TOX2: variants seen among roughly 807,000 people sequenced by gnomAD.
TOX2 encodes granulosa cell HMG box 1.
A neutral mutation model predicts 47.4 loss-of-function variants in TOX2; 15 were observed. The ratio of observed to expected loss-of-function variants is 0.32; its 90% CI spans 0.21 to 0.49. The LOEUF is 0.49. Ranked by LOEUF, TOX2 falls within the 20% of genes least tolerant of loss-of-function variation. The probability of loss-of-function intolerance (pLI) is 0.99; values close to 1 mark genes in which losing one functional copy is unlikely to be tolerated. For synonymous variants in TOX2, 290 were observed against 296.6 expected (o/e 0.98, Z 0.23); for missense variants, 622 against 673.1 (o/e 0.92, Z 0.84).
At position 44,055,162 on chromosome 20, in the gene TOX2, G is replaced by C. The variant is rs570467525; in HGVS notation, c.879+636G>C. Among the ~76,000 whole-genome samples, 6 of 152,262 alleles carry C rather than the reference G, an allele frequency of 3.9e-5. No individual in the cohort carries two copies. The East Asian group carries it at 7.7e-4, about 20-fold the overall frequency. ...CCAAGAGGTAAAGTGACTCACCCAG[G>C]GTCACCAGCGTGAATCAAGGTAGAG... On this transcript the variant is annotated intron_variant, in intron 5 of 8. Transcript: ENST00000341197.
intron 1 of TOX2, among the ~76,000 whole-genome samples, chr20:43,972,473 C>G (rs1055571414): frequency 6.6e-6 from 1 of 152,188 alleles, no homozygotes; most frequent in Admixed American, 6.5e-5. Context: ...GCCTCAGGCT[C>G]TCCTTCTAGG....
intron 1 of TOX2, among the ~76,000 whole-genome samples, chr20:43,938,299 G>T (rs142063299): frequency 6.6e-6 from 1 of 152,144 alleles, no homozygotes; most frequent in Non-Finnish European, 1.5e-5. Flanking sequence ...AACTCCACCC[G>T]CTGTGGGATG....
chr20:43,985,991 T>A (rs2070257092), intron 2 of TOX2, among the ~76,000 whole-genome samples: 1 of 152,166 alleles, frequency 6.6e-6, no homozygotes, highest in South Asian at 2.1e-4. Context: ...GGAGGTGGGA[T>A]CTTCCTCTTA....
At chr20:43,996,644 T>C (rs1224427982) in intron 2 of TOX2, among the ~76,000 whole-genome samples, 1 of 152,154 alleles carries the variant, frequency 6.6e-6, no homozygotes. Context: ...AGGGCTTTTT[T>C]TTTCTTGCTT....
intron 1 of TOX2, chr20:43,955,362 C>G (rs1472928647): frequency 1.1e-6 from 1 of 949,956 alleles, no homozygotes; most frequent in East Asian, 1.2e-4. Context: ...CGTTGTTTCC[C>G]CTTGGCTGGC....
chr20:43,983,990 CTG>C (rs1453082082), intron 2 of TOX2, among the ~76,000 whole-genome samples: 1 of 152,172 alleles, frequency 6.6e-6, no homozygotes, highest in Non-Finnish European at 1.5e-5. Context: ...GCCTCTGAGT[CTG>C]TGTACACTGT....
At chr20:44,051,226 C>T in intron 3 of TOX2, 80 bp from the exon 4 acceptor site, 1 of 1,516,860 alleles carries the variant, frequency 6.6e-7, no homozygotes, top group South Asian at 1.3e-5. Context: ...GCATTCCCTC[C>T]TCTAAGTCCG....
intron 1 of TOX2, among the ~76,000 whole-genome samples, chr20:43,946,647 A>G (rs542155617): frequency 2.6e-5 from 4 of 152,358 alleles, no homozygotes; most frequent in African/African-American, 9.6e-5. Context: ...ATCTCTACGC[A>G]GCATACTTTC....
chr20:44,020,443 A>G (rs1171171863), intron 3 of TOX2, among the ~76,000 whole-genome samples: 2 of 152,252 alleles, frequency 1.3e-5, no homozygotes, highest in Admixed American at 6.5e-5. Context: ...TTCTGCACAT[A>G]TAACCCGGAA....
chr20:44,057,725 T>C (rs758676538), intron 5 of TOX2, among the ~76,000 whole-genome samples: 3 of 152,024 alleles, frequency 2.0e-5, no homozygotes, highest in Non-Finnish European at 4.4e-5. Context: ...AAAACAATAA[T>C]CATTTATTCA....
chr20:44,065,693 G>C lies in TOX2; in HGVS notation c.961-19G>C, dbSNP rs2071801196. On this transcript the variant is annotated intron_variant, in intron 6 of 8. Transcript: ENST00000341197. ...ATCCCTCTTCTGTTCTCCAGTGACT[G>C]ATATCTGTCTCCTTCCAGAGCTCCC... 6.4e-7 allele frequency: 1 copy of C among 1,558,512 alleles called. No individual in the cohort carries two copies. Among genetic ancestry groups the C allele is most frequent in the Admixed American group, 1.8e-5 (1 of 56,650 alleles).
At chr20:43,970,389 C>T (rs529373080) in intron 1 of TOX2, among the ~76,000 whole-genome samples, 159 of 152,324 alleles carry the variant, frequency 1.0e-3, no homozygotes, top group Non-Finnish European at 1.8e-3. Context: ...CTGTGCTTAT[C>T]GGGGAATGAA....
intron 2 of TOX2, among the ~76,000 whole-genome samples, chr20:43,980,393 G>T (rs1440358942): frequency 1.3e-5 from 2 of 152,170 alleles, no homozygotes; most frequent in Non-Finnish European, 2.9e-5. Context: ...TGGGGCAGAG[G>T]GGGGACATGG....
intron 3 of TOX2, among the ~76,000 whole-genome samples, chr20:44,010,774 A>T (rs1182914061): frequency 6.6e-6 from 1 of 152,152 alleles, no homozygotes; most frequent in African/African-American, 2.4e-5. Flanking sequence ...TCATGAAGGG[A>T]TGGAGACCCC....
chr20:44,038,918 A>G, intron 3 of TOX2: 2 of 1,180,072 alleles, frequency 1.7e-6, no homozygotes, highest in Middle Eastern at 3.9e-4. Flanking sequence ...GATCCTAATT[A>G]CATTCACAGC....
intron 3 of TOX2, among the ~76,000 whole-genome samples, chr20:44,037,981 CA>C (rs1393100031): frequency 6.6e-6 from 1 of 152,094 alleles, no homozygotes; most frequent in East Asian, 1.9e-4. Context: ...TGGTTTTGAC[CA>C]AAATGCCGAT....
At chr20:44,048,402 A>ATATG (rs1444451302) in intron 3 of TOX2, among the ~76,000 whole-genome samples, 1 of 131,786 alleles carries the variant, frequency 7.6e-6, no homozygotes, top group African/African-American at 2.9e-5. Flanking sequence ...ATATATATAT[A>ATATG]TATATATATA....
chr20:43,979,520 C>T (rs2145498244), intron 2 of TOX2, among the ~76,000 whole-genome samples: 1 of 152,134 alleles, frequency 6.6e-6, no homozygotes, highest in Middle Eastern at 3.4e-3. Flanking sequence ...TAAATAAAAT[C>T]CTTTGATAAT....
intron 1 of TOX2, among the ~76,000 whole-genome samples, chr20:43,937,201 G>T (rs2069337574): frequency 6.6e-6 from 1 of 152,284 alleles, no homozygotes; most frequent in East Asian, 1.9e-4. Context: ...ACGCGCGAAG[G>T]TCCTGTGGAA....
Sources: allele counts gnomAD v4.1 joint callset (sites outside exome capture counted in the v4.1 genomes callset), GRCh38; gene constraint gnomAD v4.1.1; transcripts MANE v1.5; gene names NCBI Gene and HGNC (gene_info 2026-07-23, HGNC 2026-07-21).